The following GRAMD4 variants were observed in gnomAD, a reference collection of about 807,000 sequenced individuals.
GRAMD4 encodes the protein GRAM domain-containing protein 4.
GRAMD4 carries 25 observed loss-of-function variants against 83.9 expected under a neutral mutation model. The observed-to-expected ratio is 0.30, with a 90% CI of 0.22 to 0.42. The LOEUF is 0.42. GRAMD4 is among the 10% of genes least tolerant of loss of function. The probability of loss-of-function intolerance (pLI) is 1.00; values close to 1 mark genes in which losing one functional copy is unlikely to be tolerated. For missense variants in GRAMD4, 593 were observed against 788.7 expected, an observed-to-expected ratio of 0.75 and a Z score of 2.97; for synonymous variants, 336 against 320.9, an observed-to-expected ratio of 1.05 and a Z score of -0.50.
At chr22:46,680,492 T>C (rs935868670), downstream of GRAMD4, among the ~76,000 whole-genome samples, 8 of 150,904 alleles carry the variant, frequency 5.3e-5, no homozygotes, top group African/African-American at 1.5e-4. Flanking sequence ...GTAGGACATA[T>C]GCGTACTCCA....
At chr22:46,610,063 G>A (rs891051047) in intron 1 of GRAMD4, among the ~76,000 whole-genome samples, 2 of 152,170 alleles carry the variant, frequency 1.3e-5, no homozygotes, top group African/African-American at 4.8e-5. Flanking sequence ...GGTGGATGGT[G>A]GCACGTGGGA....
At chr22:46,613,944 G>A (rs529994914) in intron 1 of GRAMD4, among the ~76,000 whole-genome samples, 3 of 152,298 alleles carry the variant, frequency 2.0e-5, no homozygotes, top group East Asian at 1.9e-4. Context: ...TGCTGTTCAC[G>A]GAGCCCTGTG....
rs550143166 is a variant in GRAMD4, at chr22:46,641,870, C to T, written c.283+3910C>T. ...CGAAAACAAACTTCCCTTTGTCTGC[C>T]GTTTGGCTCCGCCAAGGAGTAGTTC... is the stretch of plus-strand genomic sequence containing the variant. On this transcript the variant is annotated intron_variant, in intron 3 of 18. Transcript: ENST00000406902. Among the ~76,000 whole-genome samples, 69 of 152,368 alleles carry T rather than the reference C, an allele frequency of 4.5e-4. 1 individual carries two copies. The highest frequency in any genetic ancestry group is 1.5e-3 in the African/African-American group (64 of 41,596).
chr22:46,663,105 G>A lies in GRAMD4; in HGVS notation c.532G>A (p.Val178Met), dbSNP rs139348663. The A allele has an allele frequency of 2.7e-5, 43 of 1,611,928 alleles. No individual in the cohort carries two copies. Among genetic ancestry groups the A allele is most frequent in the Middle Eastern group, 1.7e-4 (1 of 6,056 alleles). The stretch of plus-strand genomic sequence containing the variant: ...GTTCTACGAGCGGTTTGGGGAGTAC[G>A]TGGAGGACTTCCGGTTCCAGCCCGA... ...KWFYERFGEYVEDFRFQPEEN... is the reference protein window; with the variant it reads ...KWFYERFGEYMEDFRFQPEEN... Residue 178 changes from valine to methionine, a missense_variant, in exon 6 of 19, where the codon GTG becomes ATG. This residue lies in a region of GRAMD4 where 312 missense variants were observed against 350.7 expected (regional missense o/e 0.89). Transcript: ENST00000406902.
intron 3 of GRAMD4, among the ~76,000 whole-genome samples, chr22:46,643,332 T>TGC (rs1569284144): frequency 0.02 from 2,887 of 147,768 alleles, 79 homozygotes; most frequent in South Asian, 0.031. Flanking sequence ...TCCATGCATC[T>TGC]ATCCATCCAT....
rs2081592533 is a variant in GRAMD4 at position 46,622,684 on chromosome 22, CGGG to C, written c.-50+2120_-50+2122del. On this transcript the variant is annotated intron_variant, in intron 1 of 18. Transcript: ENST00000406902. The surrounding 1 kb of genome is among the most constrained non-coding windows in gnomAD (Gnocchi z 4.0). ...ATCCCAGCACTTTGGGAGGCCGAGGCGGGTGGATCACGAGGTCAGGAGATTGAG... is the reference window on the plus strand; with the variant it reads ...ATCCCAGCACTTTGGGAGGCCGAGGCTGGATCACGAGGTCAGGAGATTGAG... Among the ~76,000 whole-genome samples, 1 of 152,084 alleles carries C rather than the reference CGGG, an allele frequency of 6.6e-6. No individual in the cohort carries two copies. The highest frequency in any genetic ancestry group is 6.5e-5 in the Admixed American group (1 of 15,280).
intron 1 of GRAMD4, among the ~76,000 whole-genome samples, chr22:46,584,509 A>G (rs978156385): frequency 1.3e-5 from 2 of 152,064 alleles, no homozygotes; most frequent in African/African-American, 4.8e-5. Context: ...GTGTCTATTC[A>G]AGCAGCAGGA....
chr22:46,660,791 C>T (rs372426237), intron 4 of GRAMD4, among the ~76,000 whole-genome samples: 6 of 152,182 alleles, frequency 3.9e-5, no homozygotes, highest in Non-Finnish European at 7.3e-5. Context: ...TCCCCACTCC[C>T]GCTTCCCAAG....
intron 2 of GRAMD4, among the ~76,000 whole-genome samples, chr22:46,636,382 C>A (rs2081888608): frequency 6.6e-6 from 1 of 152,232 alleles, no homozygotes; most frequent in African/African-American, 2.4e-5. Flanking sequence ...TGCCTCCACT[C>A]ATGCCCTGGG....
chr22:46,658,058 G>A, intron 3 of GRAMD4, 129 bp from the exon 4 acceptor site: 2 of 1,124,956 alleles, frequency 1.8e-6, no homozygotes, highest in African/African-American at 1.5e-5. Context: ...GGAAGGTCAG[G>A]TGCTCAGGTC....
chr22:46,672,879 T>G lies in GRAMD4; in HGVS notation c.1121T>G (p.Phe374Cys), dbSNP rs1601684956. The G allele has an allele frequency of 6.2e-7, 1 of 1,612,934 alleles. No homozygotes were observed. The highest frequency in any genetic ancestry group is 8.5e-7 in the Non-Finnish European group (1 of 1,179,686). Residue 374 changes from phenylalanine to cysteine, a missense_variant, in exon 14 of 19, where the codon TTC (phenylalanine) becomes TGC (cysteine). Phe to Cys is a radical substitution (Grantham distance 205). Around this residue, in one of 4 missense-constraint regions of GRAMD4, gnomAD observed 171 missense variants for 199.6 expected, o/e 0.86. Coordinates refer to ENST00000406902, the MANE Select transcript of GRAMD4 (RefSeq NM_015124.5). This position sits in a 1 kb window ranked among gnomAD's most constrained non-coding sequence, Gnocchi z 4.7. ...GGTATCAAGTTCTTCCTCATTGATTTCATCTTTAAACGCTGCCCGAGGCTG... is the reference window on the plus strand; with the variant it reads ...GGTATCAAGTTCTTCCTCATTGATTGCATCTTTAAACGCTGCCCGAGGCTG... ...YAGIKFFLID[F>C]IFKRCPRLRA...
At chr22:46,597,578 C>T (rs1022745412) in intron 1 of GRAMD4, among the ~76,000 whole-genome samples, 1 of 152,160 alleles carries the variant, frequency 6.6e-6, no homozygotes, top group African/African-American at 2.4e-5. Context: ...CAAGCTCCGC[C>T]TCCTGGGTTC....
At chr22:46,668,433 C>G (rs999974999) in intron 11 of GRAMD4, among the ~76,000 whole-genome samples, 2 of 152,110 alleles carry the variant, frequency 1.3e-5, no homozygotes, top group African/African-American at 4.8e-5. Context: ...GTGGAGCTCC[C>G]CTCCCTCCCC....
chr22:46,639,974 T>G (rs569073046), intron 3 of GRAMD4, among the ~76,000 whole-genome samples: 321 of 152,250 alleles, frequency 2.1e-3, no homozygotes, highest in Non-Finnish European at 3.5e-3. Flanking sequence ...CCTGCAGTGG[T>G]GGCTCTGCTG....
At chr22:46,603,419 C>T (rs2081332475) in intron 1 of GRAMD4, among the ~76,000 whole-genome samples, 1 of 150,652 alleles carries the variant, frequency 6.6e-6, no homozygotes, top group African/African-American at 2.4e-5. Context: ...CCGTGTTAAC[C>T]AGGGTGGTCT....
intron 1 of GRAMD4, among the ~76,000 whole-genome samples, chr22:46,624,288 T>C (rs1684630641): frequency 1.3e-5 from 2 of 150,306 alleles, no homozygotes; most frequent in South Asian, 4.2e-4. Flanking sequence ...CATCTTCTTC[T>C]CTCTAGGGAT....
chr22:46,605,818 G>C (rs958708781), intron 1 of GRAMD4, among the ~76,000 whole-genome samples: 3 of 147,518 alleles, frequency 2.0e-5, no homozygotes, highest in African/African-American at 5.2e-5. Context: ...ATCTCTGCAT[G>C]GGTTTATGGC....
At chr22:46,588,785 C>T (rs2081177087) in intron 1 of GRAMD4, among the ~76,000 whole-genome samples, 2 of 151,740 alleles carry the variant, frequency 1.3e-5, no homozygotes, top group South Asian at 4.2e-4. Flanking sequence ...GTGACACTGG[C>T]GTCGGTCCGG....
intron 1 of GRAMD4, among the ~76,000 whole-genome samples, chr22:46,609,867 C>T (rs1024008423): frequency 6.6e-6 from 1 of 152,232 alleles, no homozygotes; most frequent in Non-Finnish European, 1.5e-5. Context: ...AGGCGCCTCT[C>T]TGAAACCTGA....
Sources: allele counts gnomAD v4.1 joint callset (sites outside exome capture counted in the v4.1 genomes callset), GRCh38; gene constraint gnomAD v4.1.1; regional missense constraint gnomAD v4.1.1; non-coding constraint Gnocchi (gnomAD v3.1); transcripts MANE v1.5; gene names NCBI Gene and HGNC (gene_info 2026-07-23, HGNC 2026-07-21).